The following CHODL variants were observed in gnomAD, a reference collection of about 807,000 sequenced individuals.
CHODL encodes chondrolectin.
In CHODL, 29 loss-of-function variants were observed where a neutral mutation model predicts 34.5. That is an observed-to-expected ratio of 0.84 (90% CI 0.63 to 1.15). CHODL has a LOEUF of 1.15. CHODL is among the 50% of genes most tolerant of loss of function. The pLI is 0.00. For missense variants in CHODL, 332 were observed against 332.5 expected (o/e 1.00, Z 0.01); for synonymous variants, 125 against 116.1 (o/e 1.08, Z -0.49).
At chr21:18,243,138 C>G (rs1299550699), upstream of CHODL, among the ~76,000 whole-genome samples, 1 of 152,182 alleles carries the variant, frequency 6.6e-6, no homozygotes, top group Non-Finnish European at 1.5e-5. Flanking sequence ...AATATGCCTC[C>G]AAATGAATTT....
intron 2 of CHODL, among the ~76,000 whole-genome samples, chr21:18,195,206 C>T (rs1203369324): frequency 6.6e-6 from 1 of 152,002 alleles, no homozygotes; most frequent in Non-Finnish European, 1.5e-5. Context: ...AGGTGCCTGC[C>T]ACCACACCTG....
At chr21:18,091,247 A>C (rs1318426200) in intron 2 of CHODL, among the ~76,000 whole-genome samples, 1 of 152,222 alleles carries the variant, frequency 6.6e-6, no homozygotes, top group Non-Finnish European at 1.5e-5. Context: ...GTGCTCTGGG[A>C]TCCCAGGTAA....
rs117710791 is a variant in CHODL at position 18,166,467 on chromosome 21, G to A, written c.-44-90042G>A. Reference sequence around the variant, plus strand: ...TTACAGGTTTTGACTACACTCAAAGGGAGGCAGTTGTATGAGGTATGAACA... The same window carrying A: ...TTACAGGTTTTGACTACACTCAAAGAGAGGCAGTTGTATGAGGTATGAACA... On this transcript the variant is annotated intron_variant, in intron 2 of 6. Transcript: ENST00000400127. 5.2e-3 allele frequency among the ~76,000 whole-genome samples: 793 copies of A among 152,232 alleles called. 17 individuals carry two copies. The highest frequency in any genetic ancestry group is 0.048 in the East Asian group (249 of 5,154).
intron 2 of CHODL, among the ~76,000 whole-genome samples, chr21:18,195,026 ACAT>A (rs2073566526): frequency 1.5e-5 from 2 of 137,212 alleles, no homozygotes; most frequent in African/African-American, 5.6e-5. Context: ...TTAATACAAT[ACAT>A]TATTTATTTA....
intron 2 of CHODL, among the ~76,000 whole-genome samples, chr21:18,087,973 T>C (rs2065027190): frequency 1.3e-5 from 2 of 152,046 alleles, no homozygotes; most frequent in South Asian, 4.2e-4. Flanking sequence ...CTTCACATGA[T>C]GGAGCAGGAG....
Position 18,099,128 on chromosome 21 carries a change from A to T in CHODL, c.-45+71157A>T, listed in dbSNP as rs9981914. 8.3e-3 allele frequency among the ~76,000 whole-genome samples: 1,258 copies of T among 152,104 alleles called. 14 individuals carry two copies. The highest frequency in any genetic ancestry group is 0.028 in the African/African-American group (1,172 of 41,528). Reference sequence around the variant, plus strand: ...TAGGGGTTGGGGTTGGTTAGTGGATAAAAAAAGATGGTTAGAAAGAATGAA... The same window carrying T: ...TAGGGGTTGGGGTTGGTTAGTGGATTAAAAAAGATGGTTAGAAAGAATGAA... On this transcript the variant is annotated intron_variant, in intron 2 of 6. Transcript: ENST00000400127.
intron 1 of CHODL, among the ~76,000 whole-genome samples, chr21:17,969,798 A>G (rs197531): frequency 0.02 from 3,094 of 152,290 alleles, 100 homozygotes; most frequent in African/African-American, 0.07. Flanking sequence ...ATAAGCTTCA[A>G]TGTCCTAAAG....
intron 2 of CHODL, among the ~76,000 whole-genome samples, chr21:18,032,841 C>A (rs2824607): frequency 0.43 from 65,927 of 151,844 alleles, 14,970 homozygotes; most frequent in Non-Finnish European, 0.51. Context: ...GAAAGCAGTT[C>A]TCTTAAAGGT....
chr21:18,031,475 A>G lies in CHODL; in HGVS notation c.-45+3504A>G, dbSNP rs541144793. 6.4e-4 allele frequency among the ~76,000 whole-genome samples: 98 copies of G among 152,256 alleles called. No homozygotes were observed. In the South Asian group the frequency reaches 9.9e-3, roughly 15 times the overall value. On this transcript the variant is annotated intron_variant, in intron 2 of 6. Coordinates refer to the CHODL transcript ENST00000400127. ...AGGCTTAAGAAATTGGGGTAATTTT[A>G]TCTAATATGACCCAGCTGGGGCAGG...
chr21:18,061,313 A>C (rs2064661938), intron 2 of CHODL, among the ~76,000 whole-genome samples: 1 of 152,216 alleles, frequency 6.6e-6, no homozygotes, highest in Admixed American at 6.5e-5. Flanking sequence ...TAAGTCCTTC[A>C]ATGGAAACTG....
intron 1 of CHODL, among the ~76,000 whole-genome samples, chr21:17,971,464 T>C (rs2063613808): frequency 6.6e-6 from 1 of 152,234 alleles, no homozygotes; most frequent in Non-Finnish European, 1.5e-5. Context: ...TGGTTTTGTA[T>C]TGCATTTCTC....
chr21:17,932,319 G>C (rs1250871961), intron 1 of CHODL, among the ~76,000 whole-genome samples: 1 of 152,158 alleles, frequency 6.6e-6, no homozygotes, highest in Admixed American at 6.5e-5. Context: ...ATGTTTGTGA[G>C]GATGAAGAGA....
intron 2 of CHODL, among the ~76,000 whole-genome samples, chr21:18,048,468 C>T (rs759092469): frequency 1.1e-4 from 16 of 151,658 alleles, no homozygotes; most frequent in East Asian, 1.9e-4. Flanking sequence ...GCATCTTGTT[C>T]GGTGCATAGT....
At chr21:18,143,920 TC>T (rs1464139718) in intron 2 of CHODL, among the ~76,000 whole-genome samples, 1 of 152,108 alleles carries the variant, frequency 6.6e-6, no homozygotes, top group Non-Finnish European at 1.5e-5. Context: ...TCCCCAACCT[TC>T]TACATTGGGG....
At chr21:18,172,366 T>G (rs2071799637) in intron 2 of CHODL, among the ~76,000 whole-genome samples, 2 of 152,160 alleles carry the variant, frequency 1.3e-5, no homozygotes, top group African/African-American at 4.8e-5. Context: ...AATAATGATA[T>G]TTCTCTGGGA....
chr21:17,931,377 A>G (rs2063272398), intron 1 of CHODL, among the ~76,000 whole-genome samples: 1 of 152,232 alleles, frequency 6.6e-6, no homozygotes, highest in African/African-American at 2.4e-5. Context: ...AACTTATACT[A>G]TAGTCACACT....
chr21:18,222,666 C>T (rs985190070), intron 2 of CHODL, among the ~76,000 whole-genome samples: 2 of 152,286 alleles, frequency 1.3e-5, no homozygotes, highest in African/African-American at 4.8e-5. Flanking sequence ...CCTTGCTTCC[C>T]TCACTGTGCT....
intron 1 of CHODL, among the ~76,000 whole-genome samples, chr21:17,960,988 C>A (rs1247077178): frequency 1.3e-5 from 2 of 152,300 alleles, no homozygotes; most frequent in East Asian, 3.9e-4. Context: ...ATTTCAATAA[C>A]ATTCAAACTC....
chr21:18,034,072 GC>G (rs539571887), intron 2 of CHODL, among the ~76,000 whole-genome samples: 32 of 152,022 alleles, frequency 2.1e-4, no homozygotes, highest in Middle Eastern at 6.8e-3. Context: ...CAATGACTTG[GC>G]AAGCTTGCCC....
Sources: allele counts gnomAD v4.1 joint callset (sites outside exome capture counted in the v4.1 genomes callset), GRCh38; gene constraint gnomAD v4.1.1; transcripts MANE v1.5; gene names NCBI Gene and HGNC (gene_info 2026-07-23, HGNC 2026-07-21).